BMPR2: variants seen among roughly 807,000 people sequenced by gnomAD.
BMPR2 encodes the protein bone morphogenetic protein receptor type 2.
Under a neutral mutation model 100.8 loss-of-function variants are expected in BMPR2, and 29 were observed. The ratio of observed to expected loss-of-function variants is 0.29; its 90% CI spans 0.21 to 0.39. BMPR2 has a LOEUF of 0.39. Among genes scored for constraint, BMPR2 ranks in the 10% least tolerant of loss-of-function variants. The pLI is 1.00. For synonymous variants in BMPR2, 382 were observed against 442.3 expected (o/e 0.86, Z 1.71); for missense variants, 1,011 against 1,274.5 (o/e 0.79, Z 3.15).
chr2:202,402,427 G>T (rs2105911099), intron 1 of BMPR2, among the ~76,000 whole-genome samples: 1 of 152,250 alleles, frequency 6.6e-6, no homozygotes, highest in East Asian at 1.9e-4. Context: ...TGAGGCAGGA[G>T]AATCGCTTGA....
chr2:202,470,156 A>C (rs1475553977), intron 3 of BMPR2, among the ~76,000 whole-genome samples: 2 of 152,038 alleles, frequency 1.3e-5, no homozygotes, highest in Admixed American at 1.3e-4. Context: ...ATCCTGGCCA[A>C]CATGGTGAAA....
intron 1 of BMPR2, among the ~76,000 whole-genome samples, chr2:202,382,957 C>G (rs570518002): frequency 2.6e-5 from 4 of 152,264 alleles, no homozygotes; most frequent in South Asian, 2.1e-4. Flanking sequence ...ATTTTAGGTA[C>G]CTTTGAGAAC....
chr2:202,397,859 G>T (rs1470953846), intron 1 of BMPR2, among the ~76,000 whole-genome samples: 1 of 150,968 alleles, frequency 6.6e-6, no homozygotes, highest in Non-Finnish European at 1.5e-5. Context: ...GGTGGCTCCC[G>T]CCTGTAATCC....
chr2:202,513,555 T>G (rs1687659932), intron 3 of BMPR2, among the ~76,000 whole-genome samples, 164 bp from the exon 4 acceptor site: 1 of 152,218 alleles, frequency 6.6e-6, no homozygotes, highest in African/African-American at 2.4e-5. Flanking sequence ...ATATAATTTG[T>G]AATTATCACA....
intron 1 of BMPR2, among the ~76,000 whole-genome samples, chr2:202,433,965 G>A (rs1691558631): frequency 1.3e-5 from 2 of 150,670 alleles, no homozygotes; most frequent in South Asian, 4.1e-4. Context: ...TGCAGTGGCA[G>A]ACTGCAAGGA....
intron 9 of BMPR2, among the ~76,000 whole-genome samples, chr2:202,538,809 A>AG (rs1688213845): frequency 6.6e-6 from 1 of 151,894 alleles, no homozygotes; most frequent in African/African-American, 2.4e-5. Flanking sequence ...AAAAAAAAAA[A>AG]AAAAAAGTGA....
intron 3 of BMPR2, among the ~76,000 whole-genome samples, chr2:202,469,149 G>A (rs1034991653): frequency 6.6e-6 from 1 of 152,158 alleles, no homozygotes; most frequent in Non-Finnish European, 1.5e-5. Flanking sequence ...TCCTGCCTCA[G>A]CCTCCCTAGT....
chr2:202,506,282 A>G (rs1687519129), intron 3 of BMPR2, among the ~76,000 whole-genome samples: 2 of 151,724 alleles, frequency 1.3e-5, no homozygotes, highest in South Asian at 4.2e-4. Context: ...TCAGCCTCCC[A>G]AGTAGCTGGG....
chr2:202,485,545 C>CTTTTTCTTTTTTTTTTTTTTTTTT (rs1692756931), intron 3 of BMPR2, among the ~76,000 whole-genome samples: 2 of 64,010 alleles, frequency 3.1e-5, no homozygotes, highest in African/African-American at 1.1e-4. Flanking sequence ...TTGCCTTTAT[C>CTTTTTCTTTTTTTTTTTTTTTTTT]TTTTTTTTTT....
intron 1 of BMPR2, among the ~76,000 whole-genome samples, chr2:202,401,971 T>A (rs773780736): frequency 5.9e-5 from 9 of 152,240 alleles, no homozygotes; most frequent in Admixed American, 2.6e-4. Context: ...AGAGCTCTAT[T>A]GTTAGTACAA....
chr2:202,455,338 A>G (rs1434340074), intron 1 of BMPR2, among the ~76,000 whole-genome samples: 2 of 151,936 alleles, frequency 1.3e-5, no homozygotes, highest in Non-Finnish European at 2.9e-5. Context: ...GGTTGAGCCC[A>G]GGAAATTGAG....
intron 1 of BMPR2, among the ~76,000 whole-genome samples, chr2:202,457,890 C>T (rs574131400): frequency 2.0e-5 from 3 of 152,048 alleles, no homozygotes; most frequent in Admixed American, 6.6e-5. Flanking sequence ...CCACCACGCT[C>T]GGGTAATTCT....
chr2:202,495,470 C>T lies in BMPR2; in HGVS notation c.419-18249C>T, dbSNP rs912591558. Among the ~76,000 whole-genome samples, 5 of 152,162 alleles carry T rather than the reference C, an allele frequency of 3.3e-5. No homozygotes were observed. Among genetic ancestry groups the T allele is most frequent in the Non-Finnish European group, 7.3e-5 (5 of 68,030 alleles). On this transcript the variant is annotated intron_variant, in intron 3 of 12. Transcript: ENST00000374580. The surrounding 1 kb of genome is among the most constrained non-coding windows in gnomAD (Gnocchi z 4.5). ...CTCTCGACGACCAGCCACTTTCTTC[C>T]GCCGATGTGCTCCTCTTTACGTCTG...
At chr2:202,527,917 T>C (rs914183037) in intron 7 of BMPR2, among the ~76,000 whole-genome samples, 59 of 151,744 alleles carry the variant, frequency 3.9e-4, no homozygotes, top group African/African-American at 1.3e-3. Context: ...GGCATGGTAG[T>C]TCATCCCTGT....
intron 1 of BMPR2, among the ~76,000 whole-genome samples, chr2:202,456,286 C>T (rs1692101762): frequency 6.6e-6 from 1 of 150,692 alleles, no homozygotes; most frequent in Non-Finnish European, 1.5e-5. Context: ...ATTCGCCTGC[C>T]TCAGCCTCCC....
chr2:202,523,758 C>G (rs186304338), intron 7 of BMPR2, among the ~76,000 whole-genome samples: 75 of 152,006 alleles, frequency 4.9e-4, no homozygotes, highest in African/African-American at 1.7e-3. Context: ...GAGCCAAGAT[C>G]GTGCCATTGC....
chr2:202,425,999 G>A (rs745671949), intron 1 of BMPR2, among the ~76,000 whole-genome samples: 5 of 152,216 alleles, frequency 3.3e-5, no homozygotes, highest in African/African-American at 1.2e-4. Flanking sequence ...AAAGGGAAAT[G>A]TGAAAGGATT....
chr2:202,504,725 G>T (rs1160029154), intron 3 of BMPR2, among the ~76,000 whole-genome samples: 2 of 144,324 alleles, frequency 1.4e-5, no homozygotes, highest in Non-Finnish European at 3.0e-5. Flanking sequence ...TGTCACTCAG[G>T]CTGGAGTGCA....
At chr2:202,434,123 A>G (rs536970890) in intron 1 of BMPR2, among the ~76,000 whole-genome samples, 1 of 150,614 alleles carries the variant, frequency 6.6e-6, no homozygotes, top group Admixed American at 6.6e-5. Context: ...GCAAACTTTC[A>G]TCTCATTGGG....
Sources: gnomAD v4.1 joint callset for allele counts (sites outside exome capture counted in the v4.1 genomes callset) on GRCh38, gnomAD v4.1.1 for gene constraint, Gnocchi (gnomAD v3.1) non-coding constraint, MANE v1.5 for transcripts, NCBI Gene and HGNC (gene_info 2026-07-23, HGNC 2026-07-21) for gene names.